The following PID1 variants were observed in gnomAD, a reference collection of about 807,000 sequenced individuals.
The protein encoded by PID1 is PTB-containing, cubilin and LRP1-interacting protein.
PID1 carries 10 observed loss-of-function variants against 19.1 expected under a neutral mutation model. The observed-to-expected ratio is 0.52, with a 90% CI of 0.32 to 0.89. The LOEUF is 0.89. PID1 is among the 40% of genes least tolerant of loss of function. PID1 has a pLI of 0.03. For synonymous variants in PID1, 130 were observed against 116.0 expected, an observed-to-expected ratio of 1.12 and a Z score of -0.78; for missense variants, 248 against 285.3, an observed-to-expected ratio of 0.87 and a Z score of 0.94.
intron 2 of PID1, among the ~76,000 whole-genome samples, chr2:229,092,454 G>C (rs1694895270): frequency 6.6e-6 from 1 of 152,142 alleles, no homozygotes. Flanking sequence ...TAGCCAAAGA[G>C]AAAAGAGAGC....
chr2:229,054,732 G>T (rs1401697580), intron 2 of PID1, among the ~76,000 whole-genome samples: 4 of 102,676 alleles, frequency 3.9e-5, no homozygotes, highest in South Asian at 4.4e-4. Context: ...GGGGGGGGGG[G>T]GGTCTGGTTT....
chr2:229,080,937 C>A (rs912843215), intron 2 of PID1, among the ~76,000 whole-genome samples: 1 of 152,198 alleles, frequency 6.6e-6, no homozygotes, highest in Non-Finnish European at 1.5e-5. Context: ...GTGAGGACAT[C>A]TTCCCAGTAC....
intron 1 of PID1, among the ~76,000 whole-genome samples, chr2:229,171,728 T>C (rs766728212): frequency 2.0e-5 from 3 of 152,162 alleles, no homozygotes; most frequent in Non-Finnish European, 4.4e-5. Context: ...AATAGGTGAG[T>C]GACAAAAATA....
chr2:229,119,723 G>A lies in PID1; in HGVS notation c.177+36095C>T, dbSNP rs141471427. Among the ~76,000 whole-genome samples, 33 of 152,280 alleles carry A rather than the reference G, an allele frequency of 2.2e-4. No homozygotes were observed. In the East Asian group the frequency reaches 6.2e-3, roughly 29 times the overall value. On this transcript the variant is annotated intron_variant, in intron 2 of 2. Transcript: ENST00000392055. Reference sequence around the variant, plus strand: ...TAAGCAGCAGGCTGACCAAATACCTGATCAAACGTTTGTTTCTGGGGATGT... The same window carrying A: ...TAAGCAGCAGGCTGACCAAATACCTAATCAAACGTTTGTTTCTGGGGATGT...
Position 229,270,883 on chromosome 2 carries a change from A to T in PID1, c.30+131T>A, listed in dbSNP as rs370809152. 6.9e-5 allele frequency: 50 copies of T among 728,784 alleles called. No individual in the cohort carries two copies. The East Asian group carries it at 1.5e-3, about 21-fold the overall frequency. 45.1% of individuals were successfully genotyped at this position (728,784 alleles called of 1,614,324 possible). A position where few individuals can be genotyped will look rare whatever the true frequency, so the allele number is the denominator to read the frequency against. On this transcript the variant is annotated intron_variant, in intron 1 of 2. Transcript: ENST00000392055. ...TGGCGCTGGGTAAACCGACAGCATC[A>T]TGTTGCCATCGATGCGTCTTACAAG...
intron 1 of PID1, among the ~76,000 whole-genome samples, chr2:229,160,365 G>GA (rs148808413): frequency 0.32 from 46,798 of 144,032 alleles, 7,888 homozygotes; most frequent in East Asian, 0.69. Context: ...AACAGAAAAA[G>GA]AAAAAAGAAA....
chr2:229,128,813 A>G (rs1471488256), intron 2 of PID1, among the ~76,000 whole-genome samples: 1 of 152,232 alleles, frequency 6.6e-6, no homozygotes, highest in Non-Finnish European at 1.5e-5. Context: ...AAAGAGTAAA[A>G]AAGACCCACA....
At chr2:229,222,702 T>G (rs1413080919) in intron 1 of PID1, among the ~76,000 whole-genome samples, 3 of 152,230 alleles carry the variant, frequency 2.0e-5, no homozygotes, top group Non-Finnish European at 2.9e-5. Flanking sequence ...AAAGAATTAC[T>G]GTCTCCACCT....
At chr2:229,065,712 C>A (rs1002965757) in intron 2 of PID1, among the ~76,000 whole-genome samples, 662 of 103,800 alleles carry the variant, frequency 6.4e-3, no homozygotes, top group Middle Eastern at 0.016. Flanking sequence ...TTGTGATTTA[C>A]AAAAAAAAAA....
intron 1 of PID1, among the ~76,000 whole-genome samples, chr2:229,177,632 G>T (rs1314588276): frequency 6.6e-6 from 1 of 151,932 alleles, no homozygotes; most frequent in Non-Finnish European, 1.5e-5. Context: ...TCTACAGATT[G>T]TTGTTTTAGA....
chr2:229,085,223 T>TA (rs200081184), intron 2 of PID1, among the ~76,000 whole-genome samples: 1,880 of 126,482 alleles, frequency 0.015, 22 homozygotes, highest in African/African-American at 0.034. Flanking sequence ...CATATACTTG[T>TA]AAAAAAAAAA....
At position 229,184,290 on chromosome 2, in the gene PID1, ATATATATATCCCATG is replaced by A. The variant is rs1691040249; in HGVS notation, c.31-28341_31-28327del. On this transcript the variant is annotated intron_variant, in intron 1 of 2. Coordinates refer to ENST00000392055, the MANE Select transcript of PID1 (RefSeq NM_001100818.2). The stretch of plus-strand genomic sequence containing the variant: ...TGTATATATCCCATATATATATCCC[ATATATATATCCCATG>A]TATATATATCCCATGTATATATATC... 3.8e-5 allele frequency among the ~76,000 whole-genome samples: 3 copies of A among 78,366 alleles called. 1 individual carries two copies. The highest frequency in any genetic ancestry group is 1.4e-4 in the African/African-American group (3 of 21,730). 51.4% of individuals were successfully genotyped at this position (78,366 alleles called of 152,430 possible).
At chr2:229,054,324 C>T (rs930767790) in intron 2 of PID1, among the ~76,000 whole-genome samples, 12 of 151,996 alleles carry the variant, frequency 7.9e-5, no homozygotes, top group African/African-American at 2.9e-4. Context: ...TGGAGAAGCC[C>T]GTCTGACTGG....
At chr2:229,149,579 C>T (rs1407749147) in intron 2 of PID1, among the ~76,000 whole-genome samples, 1 of 152,168 alleles carries the variant, frequency 6.6e-6, no homozygotes. Flanking sequence ...AGCTAAGGGA[C>T]TACTACTGTT....
chr2:229,201,733 A>T (rs1026244296), intron 1 of PID1, among the ~76,000 whole-genome samples: 1 of 152,068 alleles, frequency 6.6e-6, no homozygotes, highest in Non-Finnish European at 1.5e-5. Context: ...ATCATTTTAC[A>T]TTCCCACCAA....
intron 1 of PID1, chr2:229,262,606 G>A (rs888515009): frequency 4.0e-6 from 6 of 1,508,144 alleles, no homozygotes; most frequent in Admixed American, 2.1e-5. Flanking sequence ...TTTCACTGGT[G>A]TAGTAGCTAC....
At chr2:229,049,267 T>C (rs941234326) in intron 2 of PID1, among the ~76,000 whole-genome samples, 6 of 152,214 alleles carry the variant, frequency 3.9e-5, no homozygotes, top group Non-Finnish European at 5.9e-5. Context: ...AGTAAGATTA[T>C]ATTTTTTTCA....
At chr2:229,064,361 G>C (rs969779946) in intron 2 of PID1, among the ~76,000 whole-genome samples, 4 of 152,016 alleles carry the variant, frequency 2.6e-5, no homozygotes, top group Admixed American at 1.3e-4. Flanking sequence ...TTGACTGAGT[G>C]GGGGGTTGTG....
chr2:229,248,348 G>C (rs895638197), intron 1 of PID1, among the ~76,000 whole-genome samples: 1 of 152,268 alleles, frequency 6.6e-6, no homozygotes, highest in Non-Finnish European at 1.5e-5. Flanking sequence ...AATATGATGC[G>C]AGTGAGCCTT....
Sources: gnomAD v4.1 joint callset for allele counts (sites outside exome capture counted in the v4.1 genomes callset) on GRCh38, gnomAD v4.1.1 for gene constraint, MANE v1.5 for transcripts, NCBI Gene and HGNC (gene_info 2026-07-23, HGNC 2026-07-21) for gene names.